Variants in EMC3 observed in about 807,000 individuals in gnomAD.
The protein encoded by EMC3 is 30 kDa protein.
A neutral mutation model predicts 36.6 loss-of-function variants in EMC3; 13 were observed. The ratio of observed to expected loss-of-function variants is 0.35; its 90% CI spans 0.23 to 0.56. The LOEUF (loss-of-function observed/expected upper bound fraction) is 0.56, where lower values mean the gene tolerates loss of function less well. Among genes scored for constraint, EMC3 ranks in the 20% least tolerant of loss-of-function variants. The probability of loss-of-function intolerance (pLI) is 0.84; values close to 1 mark genes in which losing one functional copy is unlikely to be tolerated. For synonymous variants in EMC3, 120 were observed against 111.9 expected, an observed-to-expected ratio of 1.07 and a Z score of -0.46; for missense variants, 220 against 324.5, an observed-to-expected ratio of 0.68 and a Z score of 2.47.
chr3:9,999,199 C>G (rs573667342), intron 1 of EMC3, among the ~76,000 whole-genome samples: 14 of 151,780 alleles, frequency 9.2e-5, no homozygotes, highest in African/African-American at 3.4e-4. Context: ...TTGATAGTGT[C>G]CTTTGATGTA....
At position 9,969,662 on chromosome 3, in the gene EMC3, G is replaced by A. The variant is rs754471222; in HGVS notation, c.657+57C>T. 1.9e-6 allele frequency: 3 copies of A among 1,613,350 alleles called. No individual in the cohort carries two copies. The East Asian group carries it at 6.7e-5, about 36-fold the overall frequency. ...CTTCAAGGAAGCTATTTTTAAAATA[G>A]CTCTTGGTAACACCTTTCAGAGCAT... On this transcript the variant is annotated intron_variant, in intron 7 of 7. Coordinates refer to ENST00000245046, the MANE Select transcript of EMC3 (RefSeq NM_001394674.1).
chr3:9,963,475 A>ATTTTTTT lies in EMC3; in HGVS notation c.*593_*594insAAAAAAA, dbSNP rs1461623657. On this transcript the variant is annotated 3_prime_UTR_variant, in exon 8 of 8. Transcript: ENST00000245046. ...GATAGATATATATATATATATATAT[A>ATTTTTTT]TATTTTTTTTTTTTTTTCAGATGGA... is the stretch of plus-strand genomic sequence containing the variant. 1.6e-4 allele frequency: 16 copies of ATTTTTTT among 102,536 alleles called. No individual in the cohort carries two copies. Among genetic ancestry groups the ATTTTTTT allele is most frequent in the African/African-American group, 5.2e-4 (15 of 28,748 alleles). 6.4% of individuals were successfully genotyped at this position (102,536 alleles called of 1,614,324 possible). A position where few individuals can be genotyped will look rare whatever the true frequency, so the allele number is the denominator to read the frequency against.
intron 1 of EMC3, among the ~76,000 whole-genome samples, chr3:9,983,513 A>C (rs768494211): frequency 1.3e-5 from 2 of 152,062 alleles, no homozygotes; most frequent in Non-Finnish European, 2.9e-5. Flanking sequence ...TCTCTACTAA[A>C]ATACAAAAAT....
chr3:9,975,561 C>T (rs928476724), intron 3 of EMC3, among the ~76,000 whole-genome samples: 3 of 151,588 alleles, frequency 2.0e-5, no homozygotes, highest in African/African-American at 7.3e-5. Context: ...ACCTGTAATC[C>T]CAGCACTTTG....
At chr3:10,002,305 T>TATGTTATGTTATGTTATGTTA (rs2086213642) in intron 1 of EMC3, among the ~76,000 whole-genome samples, 1 of 151,940 alleles carries the variant, frequency 6.6e-6, no homozygotes, top group African/African-American at 2.4e-5. Flanking sequence ...TTATTTTATT[T>TATGTTATGTTATGTTATGTTA]TGAGATAGTG....
chr3:9,973,469 C>G, intron 5 of EMC3, 159 bp downstream of exon 5: 1 of 624,852 alleles, frequency 1.6e-6, no homozygotes, highest in Non-Finnish European at 2.8e-6. Flanking sequence ...GCTGGGATTA[C>G]AGTCGTGAGC....
At chr3:9,990,428 G>A (rs533039731), upstream of EMC3, among the ~76,000 whole-genome samples, 8 of 146,836 alleles carry the variant, frequency 5.4e-5, no homozygotes, top group Admixed American at 2.1e-4. Context: ...TCAAACACCC[G>A]GGTTCAAGCG....
chr3:9,980,545 G>GTT (rs1368340718), intron 1 of EMC3, among the ~76,000 whole-genome samples: 6 of 135,300 alleles, frequency 4.4e-5, no homozygotes, highest in Non-Finnish European at 6.4e-5. Flanking sequence ...TTTGTGTTTT[G>GTT]TTTTTTTTGT....
At chr3:10,003,373 T>A (rs1157329866) in intron 1 of EMC3, 1 of 369,836 alleles carries the variant, frequency 2.7e-6, no homozygotes, top group African/African-American at 2.1e-5. Flanking sequence ...AAAGGAGGAA[T>A]AAGATGACCC....
chr3:9,992,569 T>C (rs545185377), intron 1 of EMC3, among the ~76,000 whole-genome samples: 1 of 152,372 alleles, frequency 6.6e-6, no homozygotes, highest in African/African-American at 2.4e-5. Context: ...TGAAAATACA[T>C]ACTGGAGTTG....
At chr3:9,990,755 C>T (rs1441146279), upstream of EMC3, among the ~76,000 whole-genome samples, 1 of 151,684 alleles carries the variant, frequency 6.6e-6, no homozygotes, top group African/African-American at 2.4e-5. Context: ...GTGATCCACC[C>T]ACCTGCCTCA....
At chr3:9,991,981 G>A (rs188482991) in intron 1 of EMC3, among the ~76,000 whole-genome samples, 101 of 152,282 alleles carry the variant, frequency 6.6e-4, no homozygotes, top group African/African-American at 2.3e-3. Flanking sequence ...TAATCTGACA[G>A]GAGGCGGATC....
At chr3:9,994,691 C>A (rs2086101724) in intron 1 of EMC3, among the ~76,000 whole-genome samples, 1 of 152,120 alleles carries the variant, frequency 6.6e-6, no homozygotes, top group Non-Finnish European at 1.5e-5. Context: ...CTGTCTCAGC[C>A]TCCTGAGTGG....
intron 5 of EMC3, among the ~76,000 whole-genome samples, chr3:9,972,811 T>A (rs537852810): frequency 1.3e-5 from 2 of 150,606 alleles, no homozygotes; most frequent in African/African-American, 2.5e-5. Flanking sequence ...CAATGAAGTA[T>A]TGCAAATTAG....
At chr3:10,002,271 T>C (rs2086210062) in intron 1 of EMC3, among the ~76,000 whole-genome samples, 1 of 149,998 alleles carries the variant, frequency 6.7e-6, no homozygotes, top group Non-Finnish European at 1.5e-5. Context: ...TTTTCAGCAG[T>C]TTCTTTTTTT....
rs1311398848 is a variant in EMC3 at position 9,999,789 on chromosome 3, A to G, written c.-242+11234T>C. 9.2e-5 allele frequency among the ~76,000 whole-genome samples: 14 copies of G among 152,314 alleles called. No homozygotes were observed. The South Asian group carries it at 2.5e-3, about 27-fold the overall frequency. On this transcript the variant is annotated intron_variant, in intron 1 of 8. Coordinates refer to the EMC3 transcript ENST00000470827. ...GAAGTTTAACTTGTTACTATTTTAAAAGCATGTGACCTTATAGATCATGTA... is the reference window on the plus strand; with the variant it reads ...GAAGTTTAACTTGTTACTATTTTAAGAGCATGTGACCTTATAGATCATGTA...
intron 1 of EMC3, among the ~76,000 whole-genome samples, chr3:9,980,923 G>T (rs1273580427): frequency 6.6e-6 from 1 of 152,194 alleles, no homozygotes; most frequent in Non-Finnish European, 1.5e-5. Flanking sequence ...AGCCAGGCGT[G>T]GTGGCTCTCG....
intron 1 of EMC3, chr3:10,007,471 G>A (rs530345872): frequency 2.2e-6 from 3 of 1,367,688 alleles, no homozygotes; most frequent in African/African-American, 2.9e-5. Flanking sequence ...TGGCTGTCTA[G>A]TGTGGCATTG....
intron 1 of EMC3, chr3:10,002,720 CAG>C (rs1424948055): frequency 1.2e-5 from 5 of 413,892 alleles, no homozygotes; most frequent in Admixed American, 8.0e-5. Context: ...TATTTAGTAA[CAG>C]AGTATGCAAG....
Sources: gnomAD v4.1 joint callset for allele counts (sites outside exome capture counted in the v4.1 genomes callset) on GRCh38, gnomAD v4.1.1 for gene constraint, MANE v1.5 for transcripts, NCBI Gene and HGNC (gene_info 2026-07-23, HGNC 2026-07-21) for gene names.